Variants in KLHL29 observed in about 807,000 individuals in gnomAD.
KLHL29 encodes kelch-like protein 29.
KLHL29 carries 21 observed loss-of-function variants against 80.4 expected under a neutral mutation model. The observed-to-expected ratio is 0.26, with a 90% CI of 0.19 to 0.38. The LOEUF (loss-of-function observed/expected upper bound fraction) is 0.38. Ranked by LOEUF, KLHL29 falls within the 10% of genes least tolerant of loss-of-function variation. The probability of loss-of-function intolerance (pLI) is 1.00; values close to 1 mark genes in which losing one functional copy is unlikely to be tolerated. For synonymous variants in KLHL29, 511 were observed against 526.8 expected (o/e 0.97, Z 0.41); for missense variants, 867 against 1,223.9 (o/e 0.71, Z 4.35).
In KLHL29 at chr2:23,671,530, G is replaced by A. The variant is rs577027140; in HGVS notation, c.941-12869G>A. Among the ~76,000 whole-genome samples, 7 of 152,292 alleles carry A rather than the reference G, an allele frequency of 4.6e-5. No individual in the cohort carries two copies. The South Asian group carries it at 1.4e-3, about 32-fold the overall frequency. ...GCTGTTGGGCTCCTCATCCCTTATG[G>A]AGGAATACCATTTCCTCGTCCAGGT... On this transcript the variant is annotated intron_variant, in intron 5 of 13. Coordinates refer to ENST00000486442, the MANE Select transcript of KLHL29 (RefSeq NM_052920.2).
At chr2:23,442,710 C>G (rs1468673623) in intron 1 of KLHL29, among the ~76,000 whole-genome samples, 2 of 152,094 alleles carry the variant, frequency 1.3e-5, no homozygotes, top group African/African-American at 2.4e-5. Context: ...TAATTTGTTA[C>G]AGCAGCGAGA....
intron 2 of KLHL29, among the ~76,000 whole-genome samples, chr2:23,484,933 T>C (rs1381702314): frequency 6.6e-6 from 1 of 152,160 alleles, no homozygotes; most frequent in Non-Finnish European, 1.5e-5. Flanking sequence ...CTCCCATCCC[T>C]ACCTATCTCC....
At position 23,693,468 on chromosome 2, in the gene KLHL29, G is replaced by A; in HGVS notation, c.1482G>A (p.Glu494=). ...VSNDSLNTKA[E]ELVYETVIKW... ...ACGACAGCCTCAACACCAAGGCTGAGGAGCTGGTGTACGAGACAGTCATCA... is the reference window on the plus strand; with the variant it reads ...ACGACAGCCTCAACACCAAGGCTGAAGAGCTGGTGTACGAGACAGTCATCA... Residue 494 remains glutamate, a synonymous_variant, in exon 8 of 14, where the codon GAG becomes GAA. Coordinates refer to ENST00000486442, the MANE Select transcript of KLHL29 (RefSeq NM_052920.2). The A allele has an allele frequency of 1.3e-6, 2 of 1,551,734 alleles. No homozygotes were observed. The highest frequency in any genetic ancestry group is 1.2e-5 in the South Asian group (1 of 84,062).
chr2:23,671,808 G>T lies in KLHL29; in HGVS notation c.941-12591G>T, dbSNP rs1293758911. 3 of 152,268 alleles carry T rather than the reference G, an allele frequency of 2.0e-5. No individual in the cohort carries two copies. The East Asian group carries it at 5.8e-4, about 29-fold the overall frequency. The allele number at this position is 152,268 out of a possible 1,614,324, so 9.4% of individuals were successfully genotyped here. ...CTTCTGGAACCTAGGGCTGCCCACT[G>T]GCTGGGGATGGAGGGCAGCGGGCTC... On this transcript the variant is annotated intron_variant, in intron 5 of 13. Coordinates refer to ENST00000486442, the MANE Select transcript of KLHL29 (RefSeq NM_052920.2).
At chr2:23,454,759 C>A (rs189745208) in intron 1 of KLHL29, among the ~76,000 whole-genome samples, 1 of 151,946 alleles carries the variant, frequency 6.6e-6, no homozygotes, top group Admixed American at 6.5e-5. Flanking sequence ...TTTCTGCAAT[C>A]TCTCCCCGCC....
intron 3 of KLHL29, among the ~76,000 whole-genome samples, chr2:23,592,152 A>G (rs1313736075): frequency 2.0e-5 from 3 of 152,218 alleles, no homozygotes; most frequent in Non-Finnish European, 4.4e-5. Flanking sequence ...GCCCATCCTC[A>G]TCAGTGGTTG....
chr2:23,456,256 G>A (rs1664046573), intron 1 of KLHL29, among the ~76,000 whole-genome samples: 1 of 152,222 alleles, frequency 6.6e-6, no homozygotes, highest in Non-Finnish European at 1.5e-5. Flanking sequence ...TGTAGCTGGA[G>A]GGGGCCAAGG....
intron 3 of KLHL29, among the ~76,000 whole-genome samples, chr2:23,592,962 C>CA (rs1310368362): frequency 1.3e-5 from 2 of 152,170 alleles, no homozygotes; most frequent in Non-Finnish European, 2.9e-5. Flanking sequence ...CCAGCTACCC[C>CA]ACTGGTCTTC....
intron 5 of KLHL29, among the ~76,000 whole-genome samples, chr2:23,662,266 C>T (rs1421689805): frequency 1.3e-5 from 2 of 152,190 alleles, no homozygotes; most frequent in Admixed American, 1.3e-4. Context: ...CACATCGTCT[C>T]GTCTAGATAT....
At chr2:23,575,009 C>T (rs973708113) in intron 3 of KLHL29, among the ~76,000 whole-genome samples, 8 of 152,142 alleles carry the variant, frequency 5.3e-5, no homozygotes, top group East Asian at 1.9e-4. Context: ...GGAGTCAGCA[C>T]GGCTGAGGAC....
chr2:23,705,982 C>A (rs1490728425), intron 13 of KLHL29, among the ~76,000 whole-genome samples: 1 of 152,208 alleles, frequency 6.6e-6, no homozygotes, highest in Non-Finnish European at 1.5e-5. Flanking sequence ...CCCTTGCAAT[C>A]CTGGGTGGGC....
intron 3 of KLHL29, among the ~76,000 whole-genome samples, chr2:23,563,428 C>A (rs777877325): frequency 6.6e-6 from 1 of 152,232 alleles, no homozygotes; most frequent in Non-Finnish European, 1.5e-5. Context: ...CCATTCGGAG[C>A]TGCCTCCCAG....
intron 1 of KLHL29, among the ~76,000 whole-genome samples, chr2:23,426,542 T>A (rs940507952): frequency 7.9e-5 from 12 of 152,186 alleles, no homozygotes; most frequent in African/African-American, 2.9e-4. Context: ...CTTTCAGGCA[T>A]GTAAAGAAGC....
chr2:23,595,407 G>A (rs999783670), intron 3 of KLHL29, among the ~76,000 whole-genome samples: 1 of 152,230 alleles, frequency 6.6e-6, no homozygotes, highest in African/African-American at 2.4e-5. Context: ...AAACCCAAGT[G>A]ACAGGTTCAA....
chr2:23,556,718 C>T (rs74260944), intron 2 of KLHL29, among the ~76,000 whole-genome samples: 3,697 of 152,050 alleles, frequency 0.024, 330 homozygotes, highest in Admixed American at 0.18. Context: ...TGGCCAGCAT[C>T]GGCTTTGCTG....
chr2:23,517,990 G>A (rs1572372006), intron 2 of KLHL29, among the ~76,000 whole-genome samples: 1 of 152,210 alleles, frequency 6.6e-6, no homozygotes, highest in Non-Finnish European at 1.5e-5. Flanking sequence ...CTTCAAAACA[G>A]GGAGGATGAG....
chr2:23,635,377 T>C (rs1669580860), intron 3 of KLHL29, among the ~76,000 whole-genome samples: 1 of 152,206 alleles, frequency 6.6e-6, no homozygotes, highest in South Asian at 2.1e-4. Context: ...AGAGCAGCTG[T>C]GTGGGCCATG....
At chr2:23,536,208 G>C (rs957670514) in intron 2 of KLHL29, among the ~76,000 whole-genome samples, 1 of 152,220 alleles carries the variant, frequency 6.6e-6, no homozygotes, top group Non-Finnish European at 1.5e-5. Context: ...TTTCCCATCT[G>C]ACTCTCTCGG....
chr2:23,434,632 A>G (rs1468063753), intron 1 of KLHL29, among the ~76,000 whole-genome samples: 2 of 152,250 alleles, frequency 1.3e-5, no homozygotes, highest in Non-Finnish European at 2.9e-5. Context: ...CTGGTGAGCC[A>G]GTTACTGGGG....
Sources: allele counts gnomAD v4.1 joint callset (sites outside exome capture counted in the v4.1 genomes callset), GRCh38; gene constraint gnomAD v4.1.1; transcripts MANE v1.5; gene names NCBI Gene and HGNC (gene_info 2026-07-23, HGNC 2026-07-21).